The following SGCZ variants were observed in gnomAD, a reference collection of about 807,000 sequenced individuals.
SGCZ encodes the protein sarcoglycan zeta.
Under a neutral mutation model 41.3 loss-of-function variants are expected in SGCZ, and 40 were observed. That is an observed-to-expected ratio of 0.97 (90% CI 0.75 to 1.26). The LOEUF (loss-of-function observed/expected upper bound fraction) is 1.26, where lower values mean the gene tolerates loss of function less well. Ranked by LOEUF, SGCZ falls within the 50% of genes most tolerant of loss-of-function variation. The probability of loss-of-function intolerance (pLI) is 0.00; values close to 1 mark genes in which losing one functional copy is unlikely to be tolerated. For missense variants in SGCZ, 552 were observed against 369.8 expected (o/e 1.49, Z -4.04); for synonymous variants, 206 against 137.5 (o/e 1.50, Z -3.49).
At chr8:14,816,571 TG>T (rs1801908301) in intron 1 of SGCZ, among the ~76,000 whole-genome samples, 5 of 152,200 alleles carry the variant, frequency 3.3e-5, no homozygotes, top group Admixed American at 2.6e-4. Flanking sequence ...TGATGTTGGA[TG>T]GGAACAAATT....
At chr8:15,161,608 C>T (rs1011066035) in intron 1 of SGCZ, among the ~76,000 whole-genome samples, 1 of 152,038 alleles carries the variant, frequency 6.6e-6, no homozygotes, top group Non-Finnish European at 1.5e-5. Context: ...AGCAAAAAGT[C>T]AAGTTTGGGG....
At chr8:14,256,052 T>C (rs191938616) in intron 3 of SGCZ, among the ~76,000 whole-genome samples, 120 of 152,256 alleles carry the variant, frequency 7.9e-4, no homozygotes, top group Non-Finnish European at 1.3e-3. Flanking sequence ...GATTGCTTGA[T>C]ATACCTCTTA....
At chr8:14,577,563 G>C (rs1374529448) in intron 1 of SGCZ, among the ~76,000 whole-genome samples, 2 of 151,770 alleles carry the variant, frequency 1.3e-5, no homozygotes, top group African/African-American at 4.8e-5. Flanking sequence ...AACTTTTGTA[G>C]TTTTAGTAGA....
At chr8:14,981,230 T>A (rs1035560293) in intron 1 of SGCZ, among the ~76,000 whole-genome samples, 1 of 152,192 alleles carries the variant, frequency 6.6e-6, no homozygotes, top group East Asian at 1.9e-4. Context: ...TTCTAACAAA[T>A]CTTGCCCAAT....
chr8:14,440,751 G>A (rs940412416), intron 2 of SGCZ, among the ~76,000 whole-genome samples: 2 of 113,588 alleles, frequency 1.8e-5, no homozygotes, highest in Non-Finnish European at 3.5e-5. Context: ...ATATACATAC[G>A]TATACACGTA....
chr8:14,638,699 G>A (rs1165744828), intron 1 of SGCZ, among the ~76,000 whole-genome samples: 1 of 151,780 alleles, frequency 6.6e-6, no homozygotes, highest in African/African-American at 2.4e-5. Flanking sequence ...TCCCCTGACA[G>A]ATATCTCAGC....
chr8:14,799,149 GA>G (rs1159409474), intron 1 of SGCZ, among the ~76,000 whole-genome samples: 1 of 151,632 alleles, frequency 6.6e-6, no homozygotes, highest in Non-Finnish European at 1.5e-5. Flanking sequence ...ACTAATAATG[GA>G]AAAAAGATAT....
intron 1 of SGCZ, among the ~76,000 whole-genome samples, chr8:15,188,421 T>C (rs958639058): frequency 6.6e-6 from 1 of 152,142 alleles, no homozygotes; most frequent in African/African-American, 2.4e-5. Flanking sequence ...GATGCAGATA[T>C]AGAATAAGCA....
chr8:14,558,032 T>C (rs1182379753), intron 1 of SGCZ, among the ~76,000 whole-genome samples: 1 of 152,120 alleles, frequency 6.6e-6, no homozygotes, highest in East Asian at 1.9e-4. Flanking sequence ...AAGGCTACTA[T>C]GAACATTTTA....
intron 2 of SGCZ, among the ~76,000 whole-genome samples, chr8:14,482,947 C>T (rs1241779804): frequency 3.3e-5 from 5 of 152,076 alleles, no homozygotes; most frequent in African/African-American, 1.2e-4. Flanking sequence ...GGTTCCCTAA[C>T]TCCGTAAACA....
At chr8:15,134,658 G>T (rs1036151798) in intron 1 of SGCZ, among the ~76,000 whole-genome samples, 1 of 152,092 alleles carries the variant, frequency 6.6e-6, no homozygotes, top group Non-Finnish European at 1.5e-5. Flanking sequence ...CTGATTCTAT[G>T]CAAGACGAGT....
At chr8:14,778,640 C>G (rs139179295) in intron 1 of SGCZ, among the ~76,000 whole-genome samples, 1 of 152,070 alleles carries the variant, frequency 6.6e-6, no homozygotes, top group Non-Finnish European at 1.5e-5. Flanking sequence ...AAGGAAATGA[C>G]AATCTAATAG....
intron 1 of SGCZ, among the ~76,000 whole-genome samples, chr8:15,222,097 G>A (rs1380325026): frequency 2.0e-5 from 3 of 152,166 alleles, no homozygotes; most frequent in African/African-American, 4.8e-5. Context: ...GTTAGACTAT[G>A]AAAGCATTTA....
chr8:14,846,791 C>CA (rs1803128123), intron 1 of SGCZ, among the ~76,000 whole-genome samples: 1 of 151,126 alleles, frequency 6.6e-6, no homozygotes, highest in Non-Finnish European at 1.5e-5. Context: ...AATACCAGGC[C>CA]AGAAGCAGTG....
At chr8:14,217,369 G>A (rs191864966) in intron 4 of SGCZ, among the ~76,000 whole-genome samples, 1 of 148,416 alleles carries the variant, frequency 6.7e-6, no homozygotes, top group Non-Finnish European at 1.5e-5. Flanking sequence ...ATGGATACAT[G>A]TATAACTGGT....
In SGCZ at chr8:15,237,576, C is replaced by G. The variant is rs4831331; in HGVS notation, c.39+9G>C. 906,333 of 1,584,246 alleles carry G rather than the reference C, an allele frequency of 0.57. 265,732 individuals are homozygous for G. Among genetic ancestry groups the G allele is most frequent in the African/African-American group, 0.62 (46,104 of 74,274 alleles). Reference sequence around the variant, plus strand: ...AGCGGCCGCGAAGCCCGCCCGGACCCGCACGTACCTTGAGCTCCTCAATGT... The same window carrying G: ...AGCGGCCGCGAAGCCCGCCCGGACCGGCACGTACCTTGAGCTCCTCAATGT... On this transcript the variant is annotated intron_variant, in intron 1 of 7. Coordinates refer to ENST00000382080, the MANE Select transcript of SGCZ (RefSeq NM_139167.4).
chr8:14,931,077 T>C (rs1436355543), intron 1 of SGCZ, among the ~76,000 whole-genome samples: 1 of 152,082 alleles, frequency 6.6e-6, no homozygotes, highest in Non-Finnish European at 1.5e-5. Context: ...TTATGTTTTC[T>C]CAGATTCCAA....
At chr8:14,792,950 T>G (rs991176573) in intron 1 of SGCZ, among the ~76,000 whole-genome samples, 1 of 152,170 alleles carries the variant, frequency 6.6e-6, no homozygotes, top group South Asian at 2.1e-4. Context: ...TTTATATTTC[T>G]AACTCAGATC....
chr8:14,935,600 G>A (rs927455030), intron 1 of SGCZ, among the ~76,000 whole-genome samples: 3 of 151,692 alleles, frequency 2.0e-5, no homozygotes, highest in Non-Finnish European at 3.0e-5. Context: ...ATAAAACTTA[G>A]ATATTTATTA....
Sources: allele counts gnomAD v4.1 joint callset (sites outside exome capture counted in the v4.1 genomes callset), GRCh38; gene constraint gnomAD v4.1.1; transcripts MANE v1.5; gene names NCBI Gene and HGNC (gene_info 2026-07-23, HGNC 2026-07-21).